TRPC6: variants seen among roughly 807,000 people sequenced by gnomAD.
TRPC6 encodes the protein transient receptor potential cation channel subfamily C member 6.
A neutral mutation model predicts 90.7 loss-of-function variants in TRPC6; 55 were observed. The observed-to-expected ratio is 0.61, with a 90% CI of 0.49 to 0.76. The LOEUF is 0.76. Among genes scored for constraint, TRPC6 ranks in the 30% least tolerant of loss-of-function variants. The pLI is 0.00. For synonymous variants in TRPC6, 393 were observed against 393.0 expected (o/e 1.00, Z 0.00); for missense variants, 989 against 1,122.7 (o/e 0.88, Z 1.70).
At chr11:101,527,205 G>A (rs1403824269) in intron 1 of TRPC6, among the ~76,000 whole-genome samples, 2 of 152,178 alleles carry the variant, frequency 1.3e-5, no homozygotes, top group East Asian at 3.9e-4. Context: ...TATACACCCT[G>A]TTAAATACCA....
At chr11:101,577,115 G>A (rs369363240) in intron 1 of TRPC6, among the ~76,000 whole-genome samples, 17 of 152,142 alleles carry the variant, frequency 1.1e-4, no homozygotes, top group East Asian at 9.7e-4. Flanking sequence ...GTTTTTACAC[G>A]TGCTTTTCCC....
intron 4 of TRPC6, among the ~76,000 whole-genome samples, chr11:101,484,024 C>T (rs1859614806): frequency 6.6e-6 from 1 of 152,068 alleles, no homozygotes; most frequent in African/African-American, 2.4e-5. Context: ...GTGCAGTTTC[C>T]CCCACCCTTT....
chr11:101,537,414 A>G (rs11224823), intron 1 of TRPC6, among the ~76,000 whole-genome samples: 13,062 of 151,278 alleles, frequency 0.086, 654 homozygotes, highest in Middle Eastern at 0.13. Context: ...TTTTTTTTGT[A>G]GTTACACCAT....
At chr11:101,518,378 G>C (rs1278916675) in intron 1 of TRPC6, among the ~76,000 whole-genome samples, 1 of 152,020 alleles carries the variant, frequency 6.6e-6, no homozygotes, top group African/African-American at 2.4e-5. Flanking sequence ...CGAAAAATAG[G>C]CATAATATTT....
intron 1 of TRPC6, chr11:101,519,946 A>G (rs778961613): frequency 6.5e-6 from 1 of 152,996 alleles, no homozygotes; most frequent in Admixed American, 6.6e-5. Context: ...CTCATCCTCT[A>G]TGTACCAAGC....
At chr11:101,549,993 CCT>C (rs995288866) in intron 1 of TRPC6, among the ~76,000 whole-genome samples, 3 of 151,424 alleles carry the variant, frequency 2.0e-5, no homozygotes, top group African/African-American at 7.3e-5. Context: ...TTATAACCTC[CCT>C]TTTTTCTGAT....
intron 1 of TRPC6, among the ~76,000 whole-genome samples, chr11:101,522,548 T>C (rs1860686703): frequency 6.6e-6 from 1 of 152,232 alleles, no homozygotes; most frequent in African/African-American, 2.4e-5. Context: ...TGGTTATTAT[T>C]TAAAAGTAAA....
chr11:101,575,235 T>A (rs1862047238), intron 1 of TRPC6, among the ~76,000 whole-genome samples: 1 of 152,194 alleles, frequency 6.6e-6, no homozygotes, highest in African/African-American at 2.4e-5. Context: ...AAGCCTTGCC[T>A]TTTGCAATCT....
intron 5 of TRPC6, among the ~76,000 whole-genome samples, chr11:101,480,012 C>G (rs1303515063): frequency 2.0e-5 from 3 of 152,062 alleles, no homozygotes; most frequent in African/African-American, 7.2e-5. Flanking sequence ...AACCCCATCT[C>G]TATTAAAAGT....
intron 8 of TRPC6, among the ~76,000 whole-genome samples, chr11:101,471,926 T>C (rs552354647): frequency 4.1e-4 from 63 of 152,316 alleles, no homozygotes; most frequent in African/African-American, 1.4e-3. Flanking sequence ...CTGCTTCTTA[T>C]GCCTTACGTC....
chr11:101,534,740 C>T (rs1860995651), intron 1 of TRPC6, among the ~76,000 whole-genome samples: 2 of 152,180 alleles, frequency 1.3e-5, no homozygotes, highest in South Asian at 4.1e-4. Flanking sequence ...AACATAACTA[C>T]TTCATAGCTG....
chr11:101,580,273 T>C (rs947343194), intron 1 of TRPC6, among the ~76,000 whole-genome samples: 1 of 152,184 alleles, frequency 6.6e-6, no homozygotes, highest in Non-Finnish European at 1.5e-5. Flanking sequence ...ACTGTAAACA[T>C]ACCTTTAAAG....
At chr11:101,536,467 G>T (rs1378817709) in intron 1 of TRPC6, among the ~76,000 whole-genome samples, 2 of 148,936 alleles carry the variant, frequency 1.3e-5, no homozygotes, top group African/African-American at 5.0e-5. Flanking sequence ...GGTAAGAACT[G>T]CAGAATGTGA....
intron 1 of TRPC6, among the ~76,000 whole-genome samples, chr11:101,540,412 C>T (rs1352713860): frequency 6.6e-6 from 1 of 152,186 alleles, no homozygotes; most frequent in East Asian, 1.9e-4. Flanking sequence ...AGGAAAAGAA[C>T]AATGTGATAT....
intron 2 of TRPC6, among the ~76,000 whole-genome samples, chr11:101,500,335 C>T (rs1009721976): frequency 9.3e-5 from 14 of 151,096 alleles, no homozygotes; most frequent in Non-Finnish European, 1.6e-4. Flanking sequence ...CAGCCTCCTG[C>T]GTAGCTGGGA....
At chr11:101,481,905 T>G (rs956531541) in intron 5 of TRPC6, among the ~76,000 whole-genome samples, 1 of 152,218 alleles carries the variant, frequency 6.6e-6, no homozygotes, top group Non-Finnish European at 1.5e-5. Flanking sequence ...CTTCTCTGCC[T>G]AACTCATCAT....
intron 4 of TRPC6, among the ~76,000 whole-genome samples, chr11:101,488,433 T>C (rs1167482650): frequency 1.3e-5 from 2 of 152,242 alleles, no homozygotes; most frequent in Admixed American, 6.5e-5. Flanking sequence ...CATTAGTATT[T>C]ACATGACTGC....
At chr11:101,536,916 G>A (rs1294508269) in intron 1 of TRPC6, among the ~76,000 whole-genome samples, 2 of 152,220 alleles carry the variant, frequency 1.3e-5, no homozygotes, top group African/African-American at 2.4e-5. Context: ...GGTACTCCAG[G>A]TGAGAGATGG....
intron 6 of TRPC6, among the ~76,000 whole-genome samples, chr11:101,475,670 T>C (rs1859396901): frequency 1.4e-5 from 2 of 138,672 alleles, no homozygotes; most frequent in African/African-American, 6.6e-5. Context: ...ACCATTACCT[T>C]CTACTTCTTT....
Sources: allele counts gnomAD v4.1 joint callset (sites outside exome capture counted in the v4.1 genomes callset), GRCh38; gene constraint gnomAD v4.1.1; transcripts MANE v1.5; gene names NCBI Gene and HGNC (gene_info 2026-07-23, HGNC 2026-07-21).